Variants in CHST9 observed in about 807,000 individuals in gnomAD.
CHST9 encodes the protein carbohydrate sulfotransferase 9, also known as GalNAc-4-sulfotransferase 2.
Under a neutral mutation model 44.4 loss-of-function variants are expected in CHST9, and 41 were observed. The observed-to-expected ratio is 0.92, with a 90% CI of 0.72 to 1.20. The LOEUF (loss-of-function observed/expected upper bound fraction) is 1.20. CHST9 is among the 50% of genes most tolerant of loss of function. The probability of loss-of-function intolerance (pLI) is 0.00; values close to 1 mark genes in which losing one functional copy is unlikely to be tolerated. For missense variants in CHST9, 504 were observed against 516.5 expected, an observed-to-expected ratio of 0.98 and a Z score of 0.23; for synonymous variants, 171 against 178.4, an observed-to-expected ratio of 0.96 and a Z score of 0.33.
intron 1 of CHST9, among the ~76,000 whole-genome samples, chr18:27,184,750 C>T (rs1477449447): frequency 6.6e-6 from 1 of 152,182 alleles, no homozygotes; most frequent in African/African-American, 2.4e-5. Flanking sequence ...TTTCCAACCT[C>T]TGCATGCCCC....
intron 4 of CHST9, among the ~76,000 whole-genome samples, chr18:27,002,306 C>G (rs2056963747): frequency 6.6e-6 from 1 of 151,996 alleles, no homozygotes; most frequent in South Asian, 2.1e-4. Context: ...TATGTAGCCT[C>G]CTGCAACAAA....
At chr18:27,057,066 A>T (rs1457999321) in intron 2 of CHST9, among the ~76,000 whole-genome samples, 1 of 152,206 alleles carries the variant, frequency 6.6e-6, no homozygotes, top group Non-Finnish European at 1.5e-5. Context: ...CCAATAGTCT[A>T]ATGTGGTCTG....
At chr18:27,049,393 G>A (rs892261782) in intron 2 of CHST9, among the ~76,000 whole-genome samples, 5 of 152,134 alleles carry the variant, frequency 3.3e-5, no homozygotes, top group Non-Finnish European at 7.4e-5. Context: ...CAAGTTCAGT[G>A]TTAGACCTAC....
At chr18:26,954,015 A>C (rs2056287313) in intron 4 of CHST9, among the ~76,000 whole-genome samples, 1 of 152,170 alleles carries the variant, frequency 6.6e-6, no homozygotes, top group African/African-American at 2.4e-5. Flanking sequence ...ATAGATCTGC[A>C]CATGTAGAGT....
intron 2 of CHST9, among the ~76,000 whole-genome samples, chr18:27,057,585 C>T (rs969200650): frequency 1.3e-5 from 2 of 152,178 alleles, no homozygotes; most frequent in Non-Finnish European, 2.9e-5. Flanking sequence ...GACGCTTAGG[C>T]AAAGAGAGCC....
At chr18:26,989,061 T>A (rs1263998328) in intron 4 of CHST9, among the ~76,000 whole-genome samples, 1 of 152,048 alleles carries the variant, frequency 6.6e-6, no homozygotes, top group African/African-American at 2.4e-5. Context: ...CTCAAGTTAA[T>A]GACCTCAACT....
chr18:27,115,011 T>C (rs1373125425), intron 2 of CHST9, among the ~76,000 whole-genome samples: 1 of 152,162 alleles, frequency 6.6e-6, no homozygotes, highest in African/African-American at 2.4e-5. Flanking sequence ...TAGTGAGTCT[T>C]ACGAGATCAG....
chr18:26,917,762 T>C (rs1199180062), intron 5 of CHST9, among the ~76,000 whole-genome samples: 2 of 152,216 alleles, frequency 1.3e-5, no homozygotes, highest in African/African-American at 4.8e-5. Flanking sequence ...TAGGGAGCAC[T>C]CTGTAATGCA....
rs141379443 is a variant in CHST9 at position 27,097,360 on chromosome 18, T to C, written c.121+45329A>G. Among the ~76,000 whole-genome samples, 50 of 152,136 alleles carry C rather than the reference T, an allele frequency of 3.3e-4. No individual in the cohort carries two copies. The East Asian group carries it at 9.3e-3, about 28-fold the overall frequency. On this transcript the variant is annotated intron_variant, in intron 2 of 5. Coordinates refer to ENST00000618847, the MANE Select transcript of CHST9 (RefSeq NM_031422.6). ...AAGACAAAGATGCCCATTCTCACTA[T>C]GCCTATTCAACATAGTACTGGAAGC... is the stretch of plus-strand genomic sequence containing the variant.
chr18:27,119,002 G>C (rs2058352517), intron 2 of CHST9, among the ~76,000 whole-genome samples: 1 of 152,102 alleles, frequency 6.6e-6, no homozygotes, highest in Non-Finnish European at 1.5e-5. Context: ...TTTTGATTTA[G>C]CAATTTCCTT....
At chr18:27,131,930 C>T (rs1269248741) in intron 2 of CHST9, among the ~76,000 whole-genome samples, 1 of 152,204 alleles carries the variant, frequency 6.6e-6, no homozygotes, top group African/African-American at 2.4e-5. Flanking sequence ...TAAGCCCTCA[C>T]TTCAAGATAC....
chr18:27,137,081 C>G (rs2058519097), intron 2 of CHST9, among the ~76,000 whole-genome samples: 1 of 151,820 alleles, frequency 6.6e-6, no homozygotes, highest in Non-Finnish European at 1.5e-5. Flanking sequence ...ATACAGAGTT[C>G]ATAAAATAGG....
intron 5 of CHST9, among the ~76,000 whole-genome samples, chr18:26,938,775 C>T (rs2056037851): frequency 6.6e-6 from 1 of 152,150 alleles, no homozygotes; most frequent in Admixed American, 6.5e-5. Flanking sequence ...TCTTTCATTT[C>T]CTGACTGTGT....
At position 26,916,253 on chromosome 18, in the gene CHST9, T is replaced by G; in HGVS notation, c.*6A>C. ...TATATACAGGGTTTTAGAAAATGAA[T>G]GCAAACTACAAAAATGGAGTTGTAT... is the stretch of plus-strand genomic sequence containing the variant. On this transcript the variant is annotated 3_prime_UTR_variant, in exon 6 of 6. Coordinates refer to ENST00000618847, the MANE Select transcript of CHST9 (RefSeq NM_031422.6). The G allele has an allele frequency of 6.6e-7, 1 of 1,521,398 alleles. No homozygotes were observed. 94.2% of individuals were successfully genotyped at this position (1,521,398 alleles called of 1,614,324 possible). A position where few individuals can be genotyped will look rare whatever the true frequency, so the allele number is the denominator to read the frequency against.
intron 1 of CHST9, among the ~76,000 whole-genome samples, chr18:27,169,229 A>G (rs1214277115): frequency 6.6e-6 from 1 of 152,244 alleles, no homozygotes; most frequent in Non-Finnish European, 1.5e-5. Flanking sequence ...CTAAATTTAC[A>G]GTAATTTATC....
intron 4 of CHST9, among the ~76,000 whole-genome samples, chr18:26,986,165 C>T (rs1009630951): frequency 6.6e-6 from 1 of 151,986 alleles, no homozygotes; most frequent in African/African-American, 2.4e-5. Context: ...ACAGAAATTA[C>T]TCAGAGATGA....
chr18:27,181,397 C>G (rs2058911257), intron 1 of CHST9, among the ~76,000 whole-genome samples: 1 of 152,144 alleles, frequency 6.6e-6, no homozygotes. Context: ...TTTTATCTAG[C>G]TTGGTCCACT....
At chr18:26,984,732 A>G (rs1252346072) in intron 4 of CHST9, among the ~76,000 whole-genome samples, 1 of 150,066 alleles carries the variant, frequency 6.7e-6, no homozygotes, top group Non-Finnish European at 1.5e-5. Context: ...CAAAAGACAA[A>G]AAAAAAAAAA....
chr18:27,137,360 A>G (rs2058524814), intron 2 of CHST9, among the ~76,000 whole-genome samples: 1 of 149,172 alleles, frequency 6.7e-6, no homozygotes, highest in Admixed American at 6.7e-5. Flanking sequence ...GTGTGTATAG[A>G]GAGAGAGAGA....
Sources: gnomAD v4.1 joint callset for allele counts (sites outside exome capture counted in the v4.1 genomes callset) on GRCh38, gnomAD v4.1.1 for gene constraint, MANE v1.5 for transcripts, NCBI Gene and HGNC (gene_info 2026-07-23, HGNC 2026-07-21) for gene names.